GPR39: variants seen among roughly 807,000 people sequenced by gnomAD.
GPR39 encodes G protein-coupled receptor 39.
In GPR39, 23 loss-of-function variants were observed where a neutral mutation model predicts 18.4. The observed-to-expected ratio is 1.25, with a 90% confidence interval of 0.90 to 1.77. The LOEUF (loss-of-function observed/expected upper bound fraction) is 1.77. Ranked by LOEUF, GPR39 falls within the 40% of genes most tolerant of loss-of-function variation. The probability of loss-of-function intolerance (pLI) is 0.00; values close to 1 mark genes in which losing one functional copy is unlikely to be tolerated. For synonymous variants in GPR39, 280 were observed against 257.9 expected (o/e 1.09, Z -0.82); for missense variants, 647 against 602.4 (o/e 1.07, Z -0.78).
chr2:132,490,746 G>A (rs1045278548), intron 1 of GPR39, among the ~76,000 whole-genome samples: 1 of 150,368 alleles, frequency 6.7e-6, no homozygotes, highest in Admixed American at 6.6e-5. Flanking sequence ...GGTTTCAAGG[G>A]ACTGAGTGGG....
At chr2:132,489,951 C>G (rs1471369019) in intron 1 of GPR39, among the ~76,000 whole-genome samples, 1 of 151,874 alleles carries the variant, frequency 6.6e-6, no homozygotes, top group Non-Finnish European at 1.5e-5. Context: ...AGGATCAGCT[C>G]TGGGAGGCCC....
At chr2:132,500,248 G>T (rs1026039493) in intron 1 of GPR39, among the ~76,000 whole-genome samples, 3 of 152,066 alleles carry the variant, frequency 2.0e-5, no homozygotes, top group African/African-American at 7.2e-5. Flanking sequence ...TTACCTTAAG[G>T]TATGTCCCTT....
Position 132,645,606 on chromosome 2 carries a change from A to T in GPR39, c.1362A>T (p.Ter454CysextTer53), listed in dbSNP as rs777159397. The part of the protein sequence containing the change: ...AENGFQEHEV[*>C] ...ATGGTTTTCAGGAGCATGAAGTTTG[A>T]ATGTCAAGCGAGGGAGCCTTGAGTG... Residue 454 changes from the stop codon to cysteine (C), a stop_lost, in exon 2 of 2, where the codon TGA (stop) becomes TGT (cysteine). Coordinates refer to ENST00000329321, the MANE Select transcript of GPR39 (RefSeq NM_001508.3). 2 of 1,608,696 alleles carry T rather than the reference A, an allele frequency of 1.2e-6. No homozygotes were observed. The highest frequency in any genetic ancestry group is 1.7e-6 in the Non-Finnish European group (2 of 1,177,200).
intron 1 of GPR39, among the ~76,000 whole-genome samples, chr2:132,509,663 A>G (rs1679204784): frequency 6.6e-6 from 1 of 152,232 alleles, no homozygotes; most frequent in South Asian, 2.1e-4. Flanking sequence ...ATCTGTGAGT[A>G]GGTATAATGA....
chr2:132,489,131 G>A (rs943576943), intron 1 of GPR39: 1 of 238,350 alleles, frequency 4.2e-6, no homozygotes, highest in Non-Finnish European at 8.8e-6. Context: ...ATCCTACCCT[G>A]CGAAGGTACT....
Position 132,456,684 on chromosome 2 carries a change from C to A in GPR39, c.856+38786C>A, listed in dbSNP as rs576746855. Among the ~76,000 whole-genome samples the A allele has an allele frequency of 4.6e-5, 7 of 152,274 alleles. No individual in the cohort carries two copies. The South Asian group carries it at 1.5e-3, about 32-fold the overall frequency. ...TGTAAGTCAGGCCTTGTGGTGACAA[C>A]ATCTCTCAGCATTTGCTTGTCTGTA... On this transcript the variant is annotated intron_variant, in intron 1 of 1. Coordinates refer to ENST00000329321, the MANE Select transcript of GPR39 (RefSeq NM_001508.3).
intron 1 of GPR39, among the ~76,000 whole-genome samples, chr2:132,585,417 A>G (rs972038713): frequency 5.3e-5 from 8 of 151,830 alleles, no homozygotes; most frequent in Non-Finnish European, 1.2e-4. Context: ...GCCCTTCCAC[A>G]TGCATCAGAG....
chr2:132,627,825 A>C (rs1372696103), intron 1 of GPR39, among the ~76,000 whole-genome samples: 1 of 152,146 alleles, frequency 6.6e-6, no homozygotes, highest in Non-Finnish European at 1.5e-5. Context: ...CAGCTGGACA[A>C]CCTCAGGTGA....
At chr2:132,473,209 A>ACAC (rs1447234827) in intron 1 of GPR39, among the ~76,000 whole-genome samples, 2 of 152,142 alleles carry the variant, frequency 1.3e-5, no homozygotes, top group Admixed American at 1.3e-4. Context: ...AGGAGCAAGG[A>ACAC]TTTCTCCTTT....
chr2:132,473,152 A>G (rs1047538701), intron 1 of GPR39, among the ~76,000 whole-genome samples: 6 of 152,198 alleles, frequency 3.9e-5, no homozygotes, highest in East Asian at 1.9e-4. Flanking sequence ...TTAAAATTCA[A>G]TGAATTTCAA....
chr2:132,555,365 G>C (rs1251087574), intron 1 of GPR39, among the ~76,000 whole-genome samples: 1 of 152,160 alleles, frequency 6.6e-6, no homozygotes, highest in Admixed American at 6.5e-5. Context: ...TGGTTGGCCT[G>C]CTGTGTTTCA....
intron 1 of GPR39, among the ~76,000 whole-genome samples, chr2:132,554,592 T>C (rs1011835718): frequency 6.6e-6 from 1 of 152,170 alleles, no homozygotes; most frequent in South Asian, 2.1e-4. Context: ...CCCCAGCTGA[T>C]AGCTACAGTG....
intron 1 of GPR39, among the ~76,000 whole-genome samples, chr2:132,494,289 A>G (rs1448568769): frequency 1.3e-5 from 2 of 152,194 alleles, no homozygotes. Context: ...CTTCTCCAGA[A>G]CACCCTACCT....
intron 1 of GPR39, among the ~76,000 whole-genome samples, chr2:132,419,108 G>C (rs1041448029): frequency 2.0e-5 from 3 of 152,158 alleles, no homozygotes; most frequent in Non-Finnish European, 4.4e-5. Flanking sequence ...CTCTTTATTC[G>C]ATTTGAAATA....
At chr2:132,564,545 G>A (rs1203614427) in intron 1 of GPR39, among the ~76,000 whole-genome samples, 1 of 152,040 alleles carries the variant, frequency 6.6e-6, no homozygotes, top group East Asian at 1.9e-4. Context: ...AGGACATTCT[G>A]TTTTCTCACC....
In GPR39 at chr2:132,502,592, G is replaced by A. The variant is rs536871033; in HGVS notation, c.856+84694G>A. 1.2e-4 allele frequency among the ~76,000 whole-genome samples: 19 copies of A among 152,230 alleles called. No homozygotes were observed. The South Asian group carries it at 2.1e-3, about 17-fold the overall frequency. On this transcript the variant is annotated intron_variant, in intron 1 of 1. Coordinates refer to ENST00000329321, the MANE Select transcript of GPR39 (RefSeq NM_001508.3). ...TGAATTTCCCAAGTGTTCTTTGGGC[G>A]TCTTATATTTGGATATCTGGATCTC...
chr2:132,481,572 T>C (rs1189848142), intron 1 of GPR39, among the ~76,000 whole-genome samples: 2 of 152,206 alleles, frequency 1.3e-5, no homozygotes, highest in East Asian at 3.9e-4. Context: ...GTTACTGATA[T>C]TTGTGAGCAA....
intron 1 of GPR39, among the ~76,000 whole-genome samples, chr2:132,465,593 C>T (rs1341390309): frequency 1.3e-5 from 2 of 152,200 alleles, no homozygotes; most frequent in Non-Finnish European, 2.9e-5. Context: ...TAGGAGGAGG[C>T]ATACACATCT....
chr2:132,557,556 A>G (rs1011982236), intron 1 of GPR39, among the ~76,000 whole-genome samples: 2 of 151,292 alleles, frequency 1.3e-5, no homozygotes, highest in African/African-American at 4.9e-5. Context: ...GTGGAATAAA[A>G]TGTTTTGGTA....
Sources: allele counts gnomAD v4.1 joint callset (sites outside exome capture counted in the v4.1 genomes callset), GRCh38; gene constraint gnomAD v4.1.1; transcripts MANE v1.5; gene names NCBI Gene and HGNC (gene_info 2026-07-23, HGNC 2026-07-21).